Variants in KAT14 observed in about 807,000 individuals in gnomAD.
KAT14 encodes the protein lysine acetyltransferase 14, also known as cysteine-rich protein 2-binding protein.
Under a neutral mutation model 78.4 loss-of-function variants are expected in KAT14, and 66 were observed. The observed-to-expected ratio is 0.84, with a 90% CI of 0.69 to 1.03. The LOEUF (loss-of-function observed/expected upper bound fraction) is 1.03. Among genes scored for constraint, KAT14 ranks in the 50% least tolerant of loss-of-function variants. The pLI, the probability that KAT14 is intolerant of heterozygous loss-of-function variation, is 0.00. For synonymous variants in KAT14, 344 were observed against 359.4 expected (o/e 0.96, Z 0.48); for missense variants, 870 against 972.5 (o/e 0.89, Z 1.40).
chr20:18,186,438 A>C (rs1476818179), intron 10 of KAT14, among the ~76,000 whole-genome samples: 1 of 152,242 alleles, frequency 6.6e-6, no homozygotes, highest in Non-Finnish European at 1.5e-5. Flanking sequence ...CTATGGATAC[A>C]CATGGAAGTT....
In KAT14 at chr20:18,162,019, A is replaced by G. The variant is rs1286779809; in HGVS notation, c.879A>G (p.Ile293Met). The G allele has an allele frequency of 6.2e-7, 1 of 1,614,258 alleles. No individual in the cohort carries two copies. The highest frequency in any genetic ancestry group is 8.5e-7 in the Non-Finnish European group (1 of 1,180,052). ...RSTSSTPVKF[I>M]SRGRRPDVIL... ...CATCTTCTACCCCTGTAAAATTCATAAGCCGAGGCCGCAGGCCAGATGTGA... is the reference window on the plus strand; with the variant it reads ...CATCTTCTACCCCTGTAAAATTCATGAGCCGAGGCCGCAGGCCAGATGTGA... Residue 293 changes from isoleucine (I) to methionine (M), a missense_variant, in exon 6 of 11, where the codon ATA (isoleucine) becomes ATG (methionine). Coordinates refer to ENST00000688188, the MANE Select transcript of KAT14 (RefSeq NM_001392073.1).
At chr20:18,186,189 G>A (rs932175845) in intron 10 of KAT14, among the ~76,000 whole-genome samples, 6 of 152,152 alleles carry the variant, frequency 3.9e-5, no homozygotes, top group Admixed American at 2.6e-4. Flanking sequence ...TGTTTGCGAG[G>A]CCACTGGAGG....
intron 2 of KAT14, among the ~76,000 whole-genome samples, chr20:18,143,320 T>C (rs540569636): frequency 2.9e-4 from 39 of 135,226 alleles, no homozygotes; most frequent in African/African-American, 7.4e-4. Context: ...TGCTATTGTA[T>C]ACTGAAAAGA....
At chr20:18,167,249 A>G (rs2038673274) in intron 7 of KAT14, among the ~76,000 whole-genome samples, 1 of 152,170 alleles carries the variant, frequency 6.6e-6, no homozygotes. Flanking sequence ...GTTCTGTAGT[A>G]TAGATTGGGT....
intron 2 of KAT14, among the ~76,000 whole-genome samples, chr20:18,143,325 A>G (rs2037661804): frequency 1.4e-5 from 1 of 72,086 alleles, no homozygotes; most frequent in South Asian, 3.4e-4. Context: ...TTGTATACTG[A>G]AAAGAGGTTA....
At chr20:18,181,364 C>CTTTTTTTTTTTTTTTTT (rs762890490) in intron 7 of KAT14, among the ~76,000 whole-genome samples, 3 of 106,800 alleles carry the variant, frequency 2.8e-5, no homozygotes, top group African/African-American at 7.4e-5. Context: ...AATTTTGTTT[C>CTTTTTTTTTTTTTTTTT]TTTTTTTTTT....
rs753670185 is a variant in KAT14, at chr20:18,162,249, T to G, written c.1099+10T>G. 1.9e-6 allele frequency: 3 copies of G among 1,613,646 alleles called. No homozygotes were observed. The highest frequency in any genetic ancestry group is 2.5e-6 in the Non-Finnish European group (3 of 1,179,736). On this transcript the variant is annotated intron_variant, in intron 6 of 10. Coordinates refer to ENST00000688188, the MANE Select transcript of KAT14 (RefSeq NM_001392073.1). Reference sequence around the variant, plus strand: ...CAAGCCTTGTTTCATGGTAAGAGTTTGTTTGCTTTGCTCTTTTATTTTGGG... The same window carrying G: ...CAAGCCTTGTTTCATGGTAAGAGTTGGTTTGCTTTGCTCTTTTATTTTGGG...
At chr20:18,154,199 T>G (rs1265838105) in intron 4 of KAT14, among the ~76,000 whole-genome samples, 1 of 152,222 alleles carries the variant, frequency 6.6e-6, no homozygotes, top group Non-Finnish European at 1.5e-5. Context: ...TTAACAAGAT[T>G]ACCGTACCCC....
chr20:18,153,738 C>G (rs1439979620), intron 4 of KAT14, among the ~76,000 whole-genome samples: 2 of 152,072 alleles, frequency 1.3e-5, no homozygotes, highest in Non-Finnish European at 2.9e-5. Context: ...TGGTATATCA[C>G]CGGAATTATT....
intron 8 of KAT14, 78 bp downstream of exon 8, chr20:18,181,924 G>A: frequency 6.4e-7 from 1 of 1,566,846 alleles, no homozygotes; most frequent in Non-Finnish European, 8.7e-7. Flanking sequence ...CTGTTCTCCT[G>A]TTGGAGAGAA....
At chr20:18,181,908 TGTGCCCTGTTCTCCTGTTGG>T in intron 8 of KAT14, 62 bp downstream of exon 8, 1 of 1,597,968 alleles carries the variant, frequency 6.3e-7, no homozygotes, top group Non-Finnish European at 8.5e-7. Flanking sequence ...TTGTGGTTTC[TGTGCCCTGTTCTCCTGTTGG>T]AGAGAATAAA....
At chr20:18,143,039 T>C in intron 2 of KAT14, 120 bp downstream of exon 2, 1 of 1,447,184 alleles carries the variant, frequency 6.9e-7, no homozygotes, top group South Asian at 1.5e-5. Context: ...ATATTTATTC[T>C]CTAGTTGATC....
intron 5 of KAT14, among the ~76,000 whole-genome samples, chr20:18,160,089 C>T (rs866118486): frequency 2.6e-5 from 4 of 152,102 alleles, no homozygotes; most frequent in Non-Finnish European, 4.4e-5. Context: ...TTATTACAGA[C>T]GGGGTTTTGC....
chr20:18,168,237 G>T (rs949984229), intron 7 of KAT14, among the ~76,000 whole-genome samples: 2 of 152,164 alleles, frequency 1.3e-5, no homozygotes, highest in Admixed American at 6.6e-5. Context: ...ATAAGAAATA[G>T]AAATTTTTGA....
intron 4 of KAT14, among the ~76,000 whole-genome samples, chr20:18,151,664 C>G (rs954625546): frequency 1.3e-5 from 2 of 151,756 alleles, no homozygotes; most frequent in East Asian, 3.9e-4. Flanking sequence ...GTGGCAATTA[C>G]GAAAATTTTT....
intron 7 of KAT14, among the ~76,000 whole-genome samples, chr20:18,169,945 A>C (rs1412761697): frequency 6.6e-6 from 1 of 152,234 alleles, no homozygotes; most frequent in African/African-American, 2.4e-5. Context: ...ATAGAAGATC[A>C]AACCAGCCAC....
chr20:18,142,145 A>G (rs1443330121), intron 1 of KAT14, 63 bp from the exon 2 acceptor site: 17 of 1,458,400 alleles, frequency 1.2e-5, no homozygotes, highest in Admixed American at 2.5e-5. Context: ...TTGGATTTGA[A>G]TGGCACAAGG....
Position 18,145,317 on chromosome 20 carries a change from A to G in KAT14, c.344A>G (p.Glu115Gly). Reference protein sequence around the residue: ...TCSDCSADGKEQYERLKLTWQ... With the variant: ...TCSDCSADGKGQYERLKLTWQ... ...TCGGATTGCTCAGCAGATGGCAAGG[A>G]GCAGTATGAAAGGCTGAAGCTGACA... is the stretch of plus-strand genomic sequence containing the variant. The change falls in exon 3 of 11, where the codon GAG becomes GGG. Residue 115 changes from glutamate (E) to glycine (G), a missense_variant. Transcript: ENST00000688188. The G allele has an allele frequency of 6.2e-7, 1 of 1,614,200 alleles. No homozygotes were observed. The highest frequency in any genetic ancestry group is 8.5e-7 in the Non-Finnish European group (1 of 1,180,030).
chr20:18,150,122 T>C (rs922842974), intron 3 of KAT14, among the ~76,000 whole-genome samples: 1 of 152,170 alleles, frequency 6.6e-6, no homozygotes, highest in Non-Finnish European at 1.5e-5. Context: ...AAGAGTAGAT[T>C]AGATTAGGAG....
Sources: gnomAD v4.1 joint callset for allele counts (sites outside exome capture counted in the v4.1 genomes callset) on GRCh38, gnomAD v4.1.1 for gene constraint, MANE v1.5 for transcripts, NCBI Gene and HGNC (gene_info 2026-07-23, HGNC 2026-07-21) for gene names.